ADAMTS13: variants seen among roughly 807,000 people sequenced by gnomAD.
ADAMTS13 encodes the protein ADAM metallopeptidase with thrombospondin type 1 motif 13.
ADAMTS13 carries 110 observed loss-of-function variants against 155.1 expected under a neutral mutation model. The ratio of observed to expected loss-of-function variants is 0.71; its 90% CI spans 0.61 to 0.83. The LOEUF (loss-of-function observed/expected upper bound fraction) is 0.83, where lower values mean the gene tolerates loss of function less well. ADAMTS13 is among the 40% of genes least tolerant of loss of function. The probability of loss-of-function intolerance (pLI) is 0.00; values close to 1 mark genes in which losing one functional copy is unlikely to be tolerated. For synonymous variants in ADAMTS13, 758 were observed against 756.4 expected (o/e 1.00, Z -0.03); for missense variants, 1,707 against 1,891.7 (o/e 0.90, Z 1.81).
At position 133,448,767 on chromosome 9, in the gene ADAMTS13, C is replaced by T. The variant is rs781996363; in HGVS notation, c.2861+39C>T. On this transcript the variant is annotated intron_variant, in intron 22 of 28. Coordinates refer to ENST00000355699, the MANE Select transcript of ADAMTS13 (RefSeq NM_139027.6). Reference sequence around the variant, plus strand: ...GCAAGACTGTGTGCTGGCCTTCTCCCTGTAAGTGGGAGACCCGAGCCTTGG... The same window carrying T: ...GCAAGACTGTGTGCTGGCCTTCTCCTTGTAAGTGGGAGACCCGAGCCTTGG... 49 of 1,592,008 alleles carry T rather than the reference C, an allele frequency of 3.1e-5. No homozygotes were observed. The South Asian group carries it at 5.1e-4, about 17-fold the overall frequency.
At chr9:133,457,584 T>G (rs921566194) in intron 27 of ADAMTS13, among the ~76,000 whole-genome samples, 5 of 152,232 alleles carry the variant, frequency 3.3e-5, no homozygotes, top group African/African-American at 7.2e-5. Flanking sequence ...GTGGCCGCCA[T>G]GGGTGGAGCC....
intron 11 of ADAMTS13, among the ~76,000 whole-genome samples, chr9:133,434,256 C>G (rs1249675834): frequency 6.6e-6 from 1 of 152,102 alleles, no homozygotes. Context: ...GGAGAACCTC[C>G]CCACTAGGAA....
At chr9:133,422,345 C>A, upstream of ADAMTS13, 1 of 1,164,710 alleles carries the variant, frequency 8.6e-7, no homozygotes, top group Non-Finnish European at 1.3e-6. Flanking sequence ...TCGTCCCGCC[C>A]AGTAGTGAGC....
At position 133,425,388 on chromosome 9, in the gene ADAMTS13, C is replaced by T. The variant is rs1840212001; in HGVS notation, c.331-141C>T. ...ACTGTGCAGCACATTTTAGGAGCCCCCCGCCCCGCCCGGTTCCCACACATG... is the reference window on the plus strand; with the variant it reads ...ACTGTGCAGCACATTTTAGGAGCCCTCCGCCCCGCCCGGTTCCCACACATG... On this transcript the variant is annotated intron_variant, in intron 3 of 28. Coordinates refer to ENST00000355699, the MANE Select transcript of ADAMTS13 (RefSeq NM_139027.6). The surrounding 1 kb of genome is among the most constrained non-coding windows in gnomAD (Gnocchi z 4.6). 1 of 683,446 alleles carries T rather than the reference C, an allele frequency of 1.5e-6. No individual in the cohort carries two copies. The highest frequency in any genetic ancestry group is 1.8e-5 in the African/African-American group (1 of 55,990). 42.3% of individuals were successfully genotyped at this position (683,446 alleles called of 1,614,324 possible). A position where few individuals can be genotyped will look rare whatever the true frequency, so the allele number is the denominator to read the frequency against.
upstream of ADAMTS13, chr9:133,417,830 C>T: frequency 1.2e-6 from 2 of 1,601,282 alleles, no homozygotes; most frequent in African/African-American, 1.3e-5. Flanking sequence ...AGGCGGGGAC[C>T]TTCGCCTTCC....
intron 19 of ADAMTS13, among the ~76,000 whole-genome samples, chr9:133,444,429 T>G (rs1239196139): frequency 1.3e-5 from 2 of 152,130 alleles, no homozygotes; most frequent in Non-Finnish European, 2.9e-5. Context: ...CTTGGCTCAC[T>G]GCAACCTCCT....
chr9:133,435,227 G>A (rs1228075458), intron 11 of ADAMTS13, among the ~76,000 whole-genome samples: 3 of 145,290 alleles, frequency 2.1e-5, no homozygotes, highest in African/African-American at 5.1e-5. Flanking sequence ...TTGCTCTGTC[G>A]CCAGGCTGGA....
chr9:133,415,030 T>C (rs782541582), intron 1 of ADAMTS13: 2 of 1,562,300 alleles, frequency 1.3e-6, no homozygotes, highest in Non-Finnish European at 1.7e-6. Context: ...CAAAATAAAA[T>C]ACATGCTGCA....
chr9:133,446,136 C>T (rs587632201), intron 21 of ADAMTS13, among the ~76,000 whole-genome samples: 63 of 152,312 alleles, frequency 4.1e-4, no homozygotes, highest in African/African-American at 1.5e-3. Context: ...CTTTAAGATA[C>T]ACAGCGTTCT....
chr9:133,428,499 C>A, intron 6 of ADAMTS13, 135 bp from the exon 7 acceptor site: 2 of 442,738 alleles, frequency 4.5e-6, no homozygotes, highest in Non-Finnish European at 3.4e-6. Context: ...CGTCAGGGGT[C>A]GACCCGGGTC....
chr9:133,457,256 G>A (rs1226746754), intron 27 of ADAMTS13, among the ~76,000 whole-genome samples: 6 of 152,204 alleles, frequency 3.9e-5, no homozygotes, highest in Non-Finnish European at 8.8e-5. Context: ...GCCCGAGCTG[G>A]CCGAAGTTGG....
At chr9:133,426,491 G>A in intron 6 of ADAMTS13, 146 bp downstream of exon 6, 1 of 1,153,712 alleles carries the variant, frequency 8.7e-7, no homozygotes, top group Non-Finnish European at 1.2e-6. Context: ...TCAGGTGTGA[G>A]GACAGGGGAA....
intron 11 of ADAMTS13, 135 bp from the exon 12 acceptor site, chr9:133,436,694 G>A: frequency 1.1e-6 from 1 of 904,560 alleles, no homozygotes; most frequent in Non-Finnish European, 1.7e-6. Flanking sequence ...ACAGAGCAGG[G>A]AACCGAGGCA....
Position 133,422,490 on chromosome 9 carries a change from C to A in ADAMTS13, c.47C>A (p.Ala16Asp). The A allele has an allele frequency of 1.2e-6, 2 of 1,614,112 alleles. No individual in the cohort carries two copies. Among genetic ancestry groups the A allele is most frequent in the South Asian group, 2.2e-5 (2 of 91,088 alleles). Residue 16 changes from alanine (A) to aspartate (D), a missense_variant, in exon 1 of 29, where the codon GCC (alanine) becomes GAC (aspartate). Ala to Asp is a moderately radical substitution (Grantham distance 126). Around this residue, in one of 3 missense-constraint regions of ADAMTS13, gnomAD observed 733 missense variants for 749.6 expected, o/e 0.98. Coordinates refer to ENST00000355699, the MANE Select transcript of ADAMTS13 (RefSeq NM_139027.6). ...PRARCPPLCV[A>D]GILACGFLLG... Reference sequence around the variant, plus strand: ...GCAAGATGCCCTCCCCTCTGTGTGGCCGGAATCCTTGCCTGTGGCTTTCTC... The same window carrying A: ...GCAAGATGCCCTCCCCTCTGTGTGGACGGAATCCTTGCCTGTGGCTTTCTC...
Position 133,458,989 on chromosome 9 carries a change from A to G in ADAMTS13, c.3925A>G (p.Ser1309Gly). 2 of 1,613,118 alleles carry G rather than the reference A, an allele frequency of 1.2e-6. No homozygotes were observed. The highest frequency in any genetic ancestry group is 1.7e-6 in the Non-Finnish European group (2 of 1,179,946). Residue 1309 changes from serine to glycine, a missense_variant, in exon 29 of 29, where the codon AGC becomes GGC. Physicochemically the swap from Ser to Gly is moderately conservative, Grantham distance 56. Transcript: ENST00000355699. Reference sequence around the variant, plus strand: ...TTTCTCTCAGATCCGGGACACCCACAGCTTGAGGACCACAGCGTTCCATGG... The same window carrying G: ...TTTCTCTCAGATCCGGGACACCCACGGCTTGAGGACCACAGCGTTCCATGG... Reference protein sequence around the residue: ...ASYILIRDTHSLRTTAFHGQQ... With the variant: ...ASYILIRDTHGLRTTAFHGQQ...
chr9:133,445,831 C>T lies in ADAMTS13; in HGVS notation c.2731+12C>T, dbSNP rs782782086. On this transcript the variant is annotated intron_variant, in intron 21 of 28. Coordinates refer to ENST00000355699, the MANE Select transcript of ADAMTS13 (RefSeq NM_139027.6). The surrounding 1 kb of genome is among the most constrained non-coding windows in gnomAD (Gnocchi z 5.0). ...CTCCTGCGGGCGAGGTGAGGGCCCC[C>T]GGGATGCTCCTGGGGACCAGCACTC... The T allele has an allele frequency of 1.3e-5, 20 of 1,566,500 alleles. No homozygotes were observed. The highest frequency in any genetic ancestry group is 5.4e-5 in the African/African-American group (4 of 73,980).
At chr9:133,435,696 A>G (rs1564420821) in intron 11 of ADAMTS13, among the ~76,000 whole-genome samples, 1 of 149,668 alleles carries the variant, frequency 6.7e-6, no homozygotes, top group East Asian at 2.0e-4. Flanking sequence ...CGCCCGGCTA[A>G]TTTTTTTTTG....
Position 133,425,431 on chromosome 9 carries a change from C to A in ADAMTS13, c.331-98C>A. On this transcript the variant is annotated intron_variant, in intron 3 of 28. Coordinates refer to ENST00000355699, the MANE Select transcript of ADAMTS13 (RefSeq NM_139027.6). This position sits in a 1 kb window ranked among gnomAD's most constrained non-coding sequence, Gnocchi z 4.6. ...CACACATGCTGGTGGAGTAGCCTCT[C>A]CAGCTCTTCACACTCCGGGGGCCCC... is the stretch of plus-strand genomic sequence containing the variant. The A allele has an allele frequency of 9.6e-7, 1 of 1,044,324 alleles. No homozygotes were observed. Among genetic ancestry groups the A allele is most frequent in the Non-Finnish European group, 1.4e-6 (1 of 699,208 alleles). 64.7% of individuals were successfully genotyped at this position (1,044,324 alleles called of 1,614,324 possible). A position where few individuals can be genotyped will look rare whatever the true frequency, so the allele number is the denominator to read the frequency against.
intron 14 of ADAMTS13, 115 bp downstream of exon 14, chr9:133,438,481 C>A: frequency 6.8e-7 from 1 of 1,470,016 alleles, no homozygotes. Flanking sequence ...ACTCACTCAG[C>A]CCTGGATGCC....
Sources: gnomAD v4.1 joint callset for allele counts (sites outside exome capture counted in the v4.1 genomes callset) on GRCh38, gnomAD v4.1.1 for gene constraint, gnomAD v4.1.1 regional missense constraint, Gnocchi (gnomAD v3.1) non-coding constraint, MANE v1.5 for transcripts, NCBI Gene and HGNC (gene_info 2026-07-23, HGNC 2026-07-21) for gene names.